Variants in FGF10 observed in about 807,000 individuals in gnomAD.
FGF10 encodes the protein FGF-10.
A neutral mutation model predicts 19.8 loss-of-function variants in FGF10; 2 were observed. That is an observed-to-expected ratio of 0.10 (90% CI 0.04 to 0.32). The LOEUF (loss-of-function observed/expected upper bound fraction) is 0.32. Among genes scored for constraint, FGF10 ranks in the 10% least tolerant of loss-of-function variants. The probability of loss-of-function intolerance (pLI) is 1.00; values close to 1 mark genes in which losing one functional copy is unlikely to be tolerated. For synonymous variants in FGF10, 112 were observed against 94.0 expected (o/e 1.19, Z -1.10); for missense variants, 191 against 246.3 (o/e 0.78, Z 1.50).
At chr5:44,338,055 A>ATGTT (rs912815141) in intron 1 of FGF10, among the ~76,000 whole-genome samples, 3 of 152,242 alleles carry the variant, frequency 2.0e-5, no homozygotes, top group African/African-American at 7.2e-5. Flanking sequence ...TGTAATTATT[A>ATGTT]TGTTTCCACC....
rs373476315 is a variant in FGF10 at position 44,388,854 on chromosome 5, G to T, written c.-172C>A. 21 of 698,886 alleles carry T rather than the reference G, an allele frequency of 3.0e-5. No individual in the cohort carries two copies. Among genetic ancestry groups the T allele is most frequent in the African/African-American group, 2.8e-4 (16 of 56,882 alleles). 43.3% of individuals were successfully genotyped at this position (698,886 alleles called of 1,614,324 possible). A position where few individuals can be genotyped will look rare whatever the true frequency, so the allele number is the denominator to read the frequency against. ...CCAACATCCATAACTCCTCGGAAAA[G>T]CCGGCTGACTCCCCTCGCTCCTTTC... On this transcript the variant is annotated 5_prime_UTR_variant, in exon 1 of 3. Transcript: ENST00000264664.
rs1739962332 is a variant in FGF10, at chr5:44,301,462, T to C, written c.*3533A>G. Among the ~76,000 whole-genome samples the C allele has an allele frequency of 6.6e-6, 1 of 150,822 alleles. No individual in the cohort carries two copies. The highest frequency in any genetic ancestry group is 2.4e-5 in the African/African-American group (1 of 41,396). On this transcript the variant is annotated 3_prime_UTR_variant, in exon 3 of 3. Transcript: ENST00000264664. ...CCTGGAAGCAACTTGCATTATTATG[T>C]ATTTTTTCTCTCTAATTTTCAAATC... is the stretch of plus-strand genomic sequence containing the variant.
At chr5:44,326,328 A>G (rs1218211985) in intron 1 of FGF10, among the ~76,000 whole-genome samples, 1 of 152,158 alleles carries the variant, frequency 6.6e-6, no homozygotes, top group Non-Finnish European at 1.5e-5. Context: ...CATGTAGTAC[A>G]ATTGAGAAGT....
intron 1 of FGF10, among the ~76,000 whole-genome samples, chr5:44,312,529 T>G (rs1025399130): frequency 1.3e-5 from 2 of 152,118 alleles, no homozygotes; most frequent in Non-Finnish European, 2.9e-5. Flanking sequence ...CAAGATAATT[T>G]TCTTTAATGA....
intron 1 of FGF10, among the ~76,000 whole-genome samples, chr5:44,345,556 CT>C (rs796996493): frequency 6.0e-5 from 9 of 150,548 alleles, no homozygotes; most frequent in East Asian, 5.9e-4. Context: ...AATTTCTCTC[CT>C]TTTTTTTCTT....
chr5:44,332,494 G>A (rs1740757859), intron 1 of FGF10, among the ~76,000 whole-genome samples: 1 of 152,120 alleles, frequency 6.6e-6, no homozygotes, highest in Non-Finnish European at 1.5e-5. Flanking sequence ...TTTGGCAACT[G>A]AGAGTGGTTC....
At chr5:44,373,022 C>T (rs1283956194) in intron 1 of FGF10, among the ~76,000 whole-genome samples, 1 of 152,184 alleles carries the variant, frequency 6.6e-6, no homozygotes, top group Non-Finnish European at 1.5e-5. Flanking sequence ...TATCAACTTG[C>T]CTGTAGAATT....
intron 1 of FGF10, among the ~76,000 whole-genome samples, chr5:44,376,533 T>G (rs1262881618): frequency 2.0e-5 from 1 of 49,262 alleles, no homozygotes; most frequent in Non-Finnish European, 4.6e-5. Context: ...AACCCACAAC[T>G]AGAGCAAGAA....
At chr5:44,336,122 T>C (rs1230593128) in intron 1 of FGF10, among the ~76,000 whole-genome samples, 1 of 152,052 alleles carries the variant, frequency 6.6e-6, no homozygotes, top group Non-Finnish European at 1.5e-5. Flanking sequence ...CAAATTTTCA[T>C]CAGTATTTCA....
rs1417043466 is a variant in FGF10 at position 44,376,331 on chromosome 5, G to T, written c.325+12027C>A. Among the ~76,000 whole-genome samples, 3 of 151,664 alleles carry T rather than the reference G, an allele frequency of 2.0e-5. No individual in the cohort carries two copies. The East Asian group carries it at 5.9e-4, about 30-fold the overall frequency. Reference sequence around the variant, plus strand: ...ACTCAAGAGCTCATAGTGTCAGTAGGGGGGTGTAGTCGTATATATGCTGTC... The same window carrying T: ...ACTCAAGAGCTCATAGTGTCAGTAGTGGGGTGTAGTCGTATATATGCTGTC... On this transcript the variant is annotated intron_variant, in intron 1 of 2. Transcript: ENST00000264664.
In FGF10 at chr5:44,303,341, G is replaced by A. The variant is rs1039638520; in HGVS notation, c.*1654C>T. 3.3e-5 allele frequency among the ~76,000 whole-genome samples: 5 copies of A among 152,034 alleles called. No individual in the cohort carries two copies. The East Asian group carries it at 9.6e-4, about 29-fold the overall frequency. ...ATCACAGAACGCCAGCATTTCCAAA[G>A]GTTAAACTTTAGTAAGACACATTTA... On this transcript the variant is annotated 3_prime_UTR_variant, in exon 3 of 3. Coordinates refer to ENST00000264664, the MANE Select transcript of FGF10 (RefSeq NM_004465.2).
chr5:44,328,875 G>A (rs1438366154), intron 1 of FGF10, among the ~76,000 whole-genome samples: 11 of 152,166 alleles, frequency 7.2e-5, no homozygotes, highest in Non-Finnish European at 8.8e-5. Context: ...GCGCACACCT[G>A]TAGTTGCAGC....
intron 1 of FGF10, among the ~76,000 whole-genome samples, chr5:44,381,884 T>C (rs576483192): frequency 1.3e-5 from 2 of 152,322 alleles, no homozygotes; most frequent in South Asian, 4.1e-4. Context: ...TTATTAGGTT[T>C]AGTTGACAAT....
At chr5:44,376,579 C>T (rs1156723055) in intron 1 of FGF10, among the ~76,000 whole-genome samples, 1 of 137,528 alleles carries the variant, frequency 7.3e-6, no homozygotes, top group Non-Finnish European at 1.5e-5. Context: ...TGGGGATTTG[C>T]TGGAAATTAC....
chr5:44,329,582 C>A (rs966094623), intron 1 of FGF10, among the ~76,000 whole-genome samples: 1 of 152,118 alleles, frequency 6.6e-6, no homozygotes, highest in South Asian at 2.1e-4. Flanking sequence ...ACACCTCCAA[C>A]CTAAACTAGA....
At chr5:44,322,837 A>G (rs924968879) in intron 1 of FGF10, among the ~76,000 whole-genome samples, 1 of 151,848 alleles carries the variant, frequency 6.6e-6, no homozygotes, top group Non-Finnish European at 1.5e-5. Context: ...GAGTTGTATA[A>G]TTATGTTATT....
At chr5:44,386,794 C>A (rs1232322030) in intron 1 of FGF10, among the ~76,000 whole-genome samples, 1 of 152,074 alleles carries the variant, frequency 6.6e-6, no homozygotes, top group Non-Finnish European at 1.5e-5. Flanking sequence ...GTAAATAGAA[C>A]CAGTGGCTGA....
intron 1 of FGF10, among the ~76,000 whole-genome samples, chr5:44,359,901 A>C (rs1364892285): frequency 6.6e-6 from 1 of 151,484 alleles, no homozygotes; most frequent in Non-Finnish European, 1.5e-5. Context: ...ACTGGACTAG[A>C]AAATCTAATT....
At chr5:44,305,451 C>T (rs917861536) in intron 2 of FGF10, among the ~76,000 whole-genome samples, 2 of 152,070 alleles carry the variant, frequency 1.3e-5, no homozygotes, top group Non-Finnish European at 1.5e-5. Flanking sequence ...AGCTGATGTG[C>T]TTTGAATATT....
Sources: allele counts gnomAD v4.1 joint callset (sites outside exome capture counted in the v4.1 genomes callset), GRCh38; gene constraint gnomAD v4.1.1; transcripts MANE v1.5; gene names NCBI Gene and HGNC (gene_info 2026-07-23, HGNC 2026-07-21).